The following DLEU7 variants were observed in gnomAD, a reference collection of about 807,000 sequenced individuals.
The protein encoded by DLEU7 is leukemia-associated protein 7.
In DLEU7, 17 loss-of-function variants were observed where a neutral mutation model predicts 16.0. The ratio of observed to expected loss-of-function variants is 1.06; its 90% CI spans 0.73 to 1.59. The LOEUF is 1.59. Ranked by LOEUF, DLEU7 falls within the 40% of genes most tolerant of loss-of-function variation. The probability of loss-of-function intolerance (pLI) is 0.00; values close to 1 mark genes in which losing one functional copy is unlikely to be tolerated. For synonymous variants in DLEU7, 113 were observed against 139.8 expected (o/e 0.81, Z 1.35); for missense variants, 308 against 314.9 (o/e 0.98, Z 0.17).
chr13:50,751,988 T>G (rs924673074), intron 1 of DLEU7, among the ~76,000 whole-genome samples: 1 of 152,060 alleles, frequency 6.6e-6, no homozygotes, highest in African/African-American at 2.4e-5. Context: ...CATTTTGGTT[T>G]GGTTTGTTCT....
intron 1 of DLEU7, among the ~76,000 whole-genome samples, chr13:50,757,255 T>TTTG (rs1196383550): frequency 6.6e-6 from 1 of 152,164 alleles, no homozygotes; most frequent in Non-Finnish European, 1.5e-5. Flanking sequence ...ATGATGATCT[T>TTTG]TTGTTGTTGT....
intron 1 of DLEU7, among the ~76,000 whole-genome samples, chr13:50,791,296 C>T (rs759494495): frequency 4.6e-5 from 7 of 152,198 alleles, no homozygotes; most frequent in Non-Finnish European, 8.8e-5. Context: ...TTCTCCTGCT[C>T]ACACACCCAA....
At chr13:50,764,652 C>A (rs1057416592) in intron 1 of DLEU7, among the ~76,000 whole-genome samples, 4 of 152,156 alleles carry the variant, frequency 2.6e-5, no homozygotes, top group Non-Finnish European at 5.9e-5. Context: ...GAAGACTGAA[C>A]AAATTAACAC....
chr13:50,826,564 T>C (rs1336743742), intron 1 of DLEU7, among the ~76,000 whole-genome samples: 1 of 152,048 alleles, frequency 6.6e-6, no homozygotes, highest in Non-Finnish European at 1.5e-5. Context: ...ACAACATGGA[T>C]GACAGAATGA....
intron 1 of DLEU7, among the ~76,000 whole-genome samples, chr13:50,716,976 C>A (rs934361016): frequency 6.6e-6 from 1 of 152,118 alleles, no homozygotes; most frequent in South Asian, 2.1e-4. Context: ...ACACATGACG[C>A]ATTTAATTTA....
At chr13:50,827,728 A>G (rs1362953229) in intron 1 of DLEU7, among the ~76,000 whole-genome samples, 2 of 152,152 alleles carry the variant, frequency 1.3e-5, no homozygotes, top group African/African-American at 4.8e-5. Flanking sequence ...ATGTATATAG[A>G]AAGTAAACTT....
intron 1 of DLEU7, among the ~76,000 whole-genome samples, chr13:50,827,477 G>C (rs187295724): frequency 2.0e-5 from 3 of 151,378 alleles, no homozygotes; most frequent in Non-Finnish European, 4.4e-5. Context: ...CCAGGAGTTC[G>C]AGACCAGCCT....
intron 1 of DLEU7, among the ~76,000 whole-genome samples, chr13:50,755,649 C>T (rs546515971): frequency 4.9e-4 from 74 of 152,230 alleles, no homozygotes; most frequent in African/African-American, 1.7e-3. Flanking sequence ...TCTGGTGCCT[C>T]CCCAATTAGC....
intron 1 of DLEU7, among the ~76,000 whole-genome samples, chr13:50,779,446 G>T (rs1409982453): frequency 6.6e-6 from 1 of 152,176 alleles, no homozygotes; most frequent in East Asian, 1.9e-4. Context: ...GGATAAAACA[G>T]TTGGGGCCAA....
intron 1 of DLEU7, among the ~76,000 whole-genome samples, chr13:50,737,351 C>T (rs994261708): frequency 5.9e-5 from 9 of 152,032 alleles, no homozygotes; most frequent in African/African-American, 1.9e-4. Flanking sequence ...TACAGGTATA[C>T]CTCATTTTAT....
At chr13:50,780,398 G>A (rs1166052291) in intron 1 of DLEU7, among the ~76,000 whole-genome samples, 2 of 152,286 alleles carry the variant, frequency 1.3e-5, no homozygotes, top group African/African-American at 4.8e-5. Context: ...GGGTCATTTT[G>A]TTTTTTACTA....
intron 1 of DLEU7, among the ~76,000 whole-genome samples, chr13:50,814,541 T>G (rs546666062): frequency 6.6e-6 from 1 of 151,836 alleles, no homozygotes; most frequent in Admixed American, 6.6e-5. Context: ...TAAGTAATGA[T>G]TACATGTCTA....
intron 1 of DLEU7, among the ~76,000 whole-genome samples, chr13:50,796,454 TG>T (rs1403488817): frequency 6.6e-6 from 1 of 152,168 alleles, no homozygotes; most frequent in African/African-American, 2.4e-5. Context: ...GGGGTGGGCC[TG>T]GGCAGGATGG....
intron 1 of DLEU7, among the ~76,000 whole-genome samples, chr13:50,770,058 T>C (rs1285789633): frequency 1.3e-5 from 2 of 152,168 alleles, no homozygotes; most frequent in Non-Finnish European, 2.9e-5. Context: ...TCACTCATGA[T>C]TTGGCTCTCT....
At chr13:50,744,522 A>G (rs1364371568) in intron 1 of DLEU7, among the ~76,000 whole-genome samples, 1 of 152,250 alleles carries the variant, frequency 6.6e-6, no homozygotes, top group Non-Finnish European at 1.5e-5. Flanking sequence ...GAATAGGCTC[A>G]GTAAGCATAC....
intron 1 of DLEU7, among the ~76,000 whole-genome samples, chr13:50,769,761 G>T (rs1258910506): frequency 4.6e-5 from 7 of 152,206 alleles, no homozygotes; most frequent in Admixed American, 4.6e-4. Flanking sequence ...GATTGACTTA[G>T]CAATGCGGGC....
At chr13:50,821,505 A>C (rs1222344584), downstream of DLEU7, among the ~76,000 whole-genome samples, 4 of 152,184 alleles carry the variant, frequency 2.6e-5, no homozygotes, top group Non-Finnish European at 1.5e-5. Flanking sequence ...ATCATGTGAT[A>C]AACACCAGAA....
At chr13:50,753,306 T>C (rs1190427150) in intron 1 of DLEU7, among the ~76,000 whole-genome samples, 1 of 152,230 alleles carries the variant, frequency 6.6e-6, no homozygotes, top group Non-Finnish European at 1.5e-5. Context: ...GCCATGCACC[T>C]GCACTCCTCA....
chr13:50,770,685 T>G (rs1875275463), intron 1 of DLEU7, among the ~76,000 whole-genome samples: 1 of 152,258 alleles, frequency 6.6e-6, no homozygotes, highest in African/African-American at 2.4e-5. Context: ...AGTATTTTAT[T>G]GAGGATTTTC....
Sources: gnomAD v4.1 joint callset for allele counts (sites outside exome capture counted in the v4.1 genomes callset) on GRCh38, gnomAD v4.1.1 for gene constraint, MANE v1.5 for transcripts, NCBI Gene and HGNC (gene_info 2026-07-23, HGNC 2026-07-21) for gene names.